The following C13orf42 variants were observed in gnomAD, a reference collection of about 807,000 sequenced individuals.
The protein encoded by C13orf42 is chromosome 13 open reading frame 42.
intron 1 of C13orf42, among the ~76,000 whole-genome samples, chr13:51,136,107 C>T (rs968011931): frequency 3.9e-5 from 6 of 152,120 alleles, no homozygotes; most frequent in African/African-American, 1.4e-4. Flanking sequence ...TCTGGTCTCC[C>T]CCAGGCCTCC....
intron 1 of C13orf42, among the ~76,000 whole-genome samples, chr13:51,130,643 T>G (rs1346641467): frequency 6.6e-6 from 1 of 151,918 alleles, no homozygotes; most frequent in Non-Finnish European, 1.5e-5. Context: ...CTGGGACACA[T>G]GGAGTTAGAC....
chr13:51,130,377 A>G (rs1317844350), intron 1 of C13orf42, among the ~76,000 whole-genome samples: 1 of 152,234 alleles, frequency 6.6e-6, no homozygotes, highest in Non-Finnish European at 1.5e-5. Context: ...AGAAGGTTAT[A>G]AAGAAAAGAG....
At chr13:51,131,335 C>T (rs1953614872) in intron 1 of C13orf42, among the ~76,000 whole-genome samples, 1 of 152,170 alleles carries the variant, frequency 6.6e-6, no homozygotes, top group Non-Finnish European at 1.5e-5. Context: ...GTTATTTTTA[C>T]CAAGGCTTTG....
chr13:51,154,645 C>T (rs1374622533), intron 1 of C13orf42, among the ~76,000 whole-genome samples: 1 of 152,218 alleles, frequency 6.6e-6, no homozygotes, highest in Admixed American at 6.5e-5. Flanking sequence ...CATGTATTGA[C>T]ATTCATGGCT....
intron 1 of C13orf42, among the ~76,000 whole-genome samples, chr13:51,162,776 G>C (rs1020295001): frequency 5.3e-5 from 8 of 152,104 alleles, no homozygotes; most frequent in African/African-American, 1.9e-4. Context: ...TCCATTCCTG[G>C]TTCATACCTT....
intron 1 of C13orf42, among the ~76,000 whole-genome samples, chr13:51,108,128 T>G (rs1383087130): frequency 2.6e-5 from 4 of 152,166 alleles, no homozygotes; most frequent in Non-Finnish European, 5.9e-5. Flanking sequence ...CTCTGTGTCC[T>G]CACATGGCCA....
At chr13:51,169,232 T>C (rs1372561394) in intron 1 of C13orf42, among the ~76,000 whole-genome samples, 1 of 152,162 alleles carries the variant, frequency 6.6e-6, no homozygotes, top group Non-Finnish European at 1.5e-5. Context: ...TGTTAAATTG[T>C]TGTGCCCAAA....
intron 1 of C13orf42, among the ~76,000 whole-genome samples, chr13:51,126,858 G>T (rs1052752561): frequency 3.3e-5 from 5 of 152,216 alleles, no homozygotes; most frequent in African/African-American, 1.2e-4. Context: ...CCAGGTGTCT[G>T]AGGAATTTTA....
intron 1 of C13orf42, among the ~76,000 whole-genome samples, chr13:51,155,700 C>A (rs1953819330): frequency 6.6e-6 from 1 of 152,246 alleles, no homozygotes; most frequent in African/African-American, 2.4e-5. Flanking sequence ...TGGAAAACGG[C>A]TACCGCATTC....
chr13:51,090,970 T>G (rs968395239), intron 1 of C13orf42, among the ~76,000 whole-genome samples: 4 of 152,250 alleles, frequency 2.6e-5, no homozygotes, highest in African/African-American at 9.6e-5. Context: ...CAGCTGCACC[T>G]TTGCTAGAGG....
At chr13:51,150,423 T>C (rs900294538) in intron 1 of C13orf42, among the ~76,000 whole-genome samples, 6 of 152,210 alleles carry the variant, frequency 3.9e-5, no homozygotes, top group African/African-American at 1.4e-4. Flanking sequence ...TAGGAAGTAA[T>C]ATTAGAACTT....
chr13:51,085,430 T>C lies in C13orf42; in HGVS notation c.692A>G (p.His231Arg), dbSNP rs2137971627. 2.5e-6 allele frequency: 1 copy of C among 398,620 alleles called. No homozygotes were observed. Among genetic ancestry groups the C allele is most frequent in the Non-Finnish European group, 4.4e-6 (1 of 226,050 alleles). The allele number at this position is 398,620 out of a possible 1,614,324, so 24.7% of individuals were successfully genotyped here. A position where few individuals can be genotyped will look rare whatever the true frequency, so the allele number is the denominator to read the frequency against. ...VDGQFRRSTE[H>R]RTVGTQRRLE... ...TCTCCTCTGAGTGCCCACGGTCCTGTGCTCGGTGCTCCTTCGAAACTGGCC... is the reference window on the plus strand; with the variant it reads ...TCTCCTCTGAGTGCCCACGGTCCTGCGCTCGGTGCTCCTTCGAAACTGGCC... The change falls in exon 3 of 4, where the codon CAC (histidine) becomes CGC (arginine). Residue 231 changes from histidine (H) to arginine (R), a missense_variant. Transcript: ENST00000563710.
chr13:51,112,575 C>T (rs1953445874), upstream of C13orf42, among the ~76,000 whole-genome samples: 1 of 152,154 alleles, frequency 6.6e-6, no homozygotes, highest in Admixed American at 6.5e-5. Flanking sequence ...TAGCACAGCC[C>T]CTCACATGTG....
At chr13:51,102,588 C>T (rs1040330558) in intron 1 of C13orf42, among the ~76,000 whole-genome samples, 4 of 152,140 alleles carry the variant, frequency 2.6e-5, no homozygotes, top group Admixed American at 2.6e-4. Flanking sequence ...AGATGAGGAT[C>T]AGGGAGGGGT....
chr13:51,161,996 A>G, intron 1 of C13orf42: 1 of 421,072 alleles, frequency 2.4e-6, no homozygotes, highest in African/African-American at 2.0e-5. Flanking sequence ...GATCTTGTCC[A>G]TGCCAAACCT....
chr13:51,146,399 C>A (rs543140062), intron 1 of C13orf42, among the ~76,000 whole-genome samples: 1 of 152,114 alleles, frequency 6.6e-6, no homozygotes, highest in African/African-American at 2.4e-5. Context: ...AAAATCTCTT[C>A]TTGCTGTGAA....
intron 1 of C13orf42, among the ~76,000 whole-genome samples, chr13:51,107,576 G>A (rs924897425): frequency 2.0e-5 from 3 of 152,144 alleles, no homozygotes; most frequent in Admixed American, 2.0e-4. Flanking sequence ...GAGGGAGGGA[G>A]GGCAGCAGAA....
intron 1 of C13orf42, among the ~76,000 whole-genome samples, chr13:51,164,506 T>G (rs895684946): frequency 2.6e-5 from 4 of 151,930 alleles, no homozygotes; most frequent in Non-Finnish European, 5.9e-5. Flanking sequence ...CTACAAAAAA[T>G]TTAAAAATTA....
At chr13:51,101,698 C>T (rs1442947153) in intron 1 of C13orf42, among the ~76,000 whole-genome samples, 1 of 152,182 alleles carries the variant, frequency 6.6e-6, no homozygotes, top group Non-Finnish European at 1.5e-5. Flanking sequence ...GATATAATGC[C>T]TCTGCTCAAT....
Sources: gnomAD v4.1 joint callset for allele counts (sites outside exome capture counted in the v4.1 genomes callset) on GRCh38, gnomAD v4.1.1 for gene constraint, MANE v1.5 for transcripts, NCBI Gene and HGNC (gene_info 2026-07-23, HGNC 2026-07-21) for gene names.